PLAGL1: variants seen among roughly 807,000 people sequenced by gnomAD.
The protein encoded by PLAGL1 is PLAG1 like zinc finger 1.
PLAGL1 carries 1 observed loss-of-function variant against 4.6 expected under a neutral mutation model. The ratio of observed to expected loss-of-function variants is 0.22; its 90% CI spans 0.08 to 1.03. PLAGL1 has a LOEUF of 1.03. Ranked by LOEUF, PLAGL1 falls within the 50% of genes least tolerant of loss-of-function variation. The pLI is 0.58. For synonymous variants in PLAGL1, 240 were observed against 237.8 expected (o/e 1.01, Z -0.08); for missense variants, 464 against 570.4 (o/e 0.81, Z 1.90).
intron 1 of PLAGL1, among the ~76,000 whole-genome samples, chr6:144,028,468 G>C (rs1796538001): frequency 6.6e-6 from 1 of 152,160 alleles, no homozygotes; most frequent in Non-Finnish European, 1.5e-5. Flanking sequence ...GGTGGGAGGG[G>C]AGCAGGGAAA....
Position 143,995,276 on chromosome 6 carries a change from G to T in PLAGL1, c.-583-10102C>A, listed in dbSNP as rs1165819022. Among the ~76,000 whole-genome samples the T allele has an allele frequency of 2.6e-5, 4 of 152,088 alleles. No individual in the cohort carries two copies. The highest frequency in any genetic ancestry group is 6.6e-5 in the Admixed American group (1 of 15,266). ...TAATTAATAAAAAGCTTAAACTTCA[G>T]TATTATGCAGATTATTTGTATGCAC... On this transcript the variant is annotated intron_variant, in intron 1 of 7. Transcript: ENST00000674357. This position sits in a 1 kb window ranked among gnomAD's most constrained non-coding sequence, Gnocchi z 4.4.
At chr6:144,029,716 CT>C (rs1210624403) in intron 1 of PLAGL1, among the ~76,000 whole-genome samples, 2 of 152,164 alleles carry the variant, frequency 1.3e-5, no homozygotes, top group African/African-American at 4.8e-5. Flanking sequence ...CTGGTACAGC[CT>C]TATGGAAGGC....
rs895393338 is a variant in PLAGL1 at position 143,971,388 on chromosome 6, T to C, written c.-543-2410A>G. On this transcript the variant is annotated intron_variant, in intron 2 of 7. Transcript: ENST00000674357. The surrounding 1 kb of genome is among the most constrained non-coding windows in gnomAD (Gnocchi z 4.7). ...TAGTGAACATAAAACAAAAATAACA[T>C]GGAGAGTAAAGTATTAGCCCGTTCC... Among the ~76,000 whole-genome samples, 2 of 152,210 alleles carry C rather than the reference T, an allele frequency of 1.3e-5. No homozygotes were observed. The highest frequency in any genetic ancestry group is 4.1e-4 in the South Asian group (2 of 4,832).
rs1224966568 is a variant in PLAGL1 at position 143,966,924 on chromosome 6, G to A, written c.-471-726C>T. 1 of 152,042 alleles carries A rather than the reference G, an allele frequency of 6.6e-6. No individual in the cohort carries two copies. The highest frequency in any genetic ancestry group is 6.5e-5 in the Admixed American group (1 of 15,272). The allele number at this position is 152,042 out of a possible 1,614,324, so 9.4% of individuals were successfully genotyped here. A position where few individuals can be genotyped will look rare whatever the true frequency, so the allele number is the denominator to read the frequency against. On this transcript the variant is annotated intron_variant, in intron 3 of 7. Coordinates refer to ENST00000674357, the MANE Select transcript of PLAGL1 (RefSeq NM_001317162.2). This position sits in a 1 kb window ranked among gnomAD's most constrained non-coding sequence, Gnocchi z 6.0. ...TAATACATTTTCTTACCTAAAAGTG[G>A]TACAATAATGGGTTTTACTCTACCT...
At chr6:144,037,467 A>T (rs570972068) in intron 1 of PLAGL1, 137 of 150,398 alleles carry the variant, frequency 9.1e-4, no homozygotes, top group African/African-American at 3.3e-3. Context: ...GTGCACCTGT[A>T]GTCCCAGCTA....
intron 1 of PLAGL1, among the ~76,000 whole-genome samples, chr6:144,057,994 G>C (rs1799114283): frequency 6.6e-6 from 1 of 152,136 alleles, no homozygotes; most frequent in Non-Finnish European, 1.5e-5. Flanking sequence ...CTATACTAAA[G>C]CTAAAATTGG....
In PLAGL1 at chr6:143,971,700, A is replaced by G. The variant is rs1358434250; in HGVS notation, c.-543-2722T>C. 4.6e-5 allele frequency among the ~76,000 whole-genome samples: 7 copies of G among 152,200 alleles called. No homozygotes were observed. Among genetic ancestry groups the G allele is most frequent in the Non-Finnish European group, 7.3e-5 (5 of 68,030 alleles). ...TCTGATAAGGAATTCAAAACATGCA[A>G]TGGTAGTAAATCTGGTTAAAGAAAT... is the stretch of plus-strand genomic sequence containing the variant. On this transcript the variant is annotated intron_variant, in intron 2 of 7. Transcript: ENST00000674357. The surrounding 1 kb of genome is among the most constrained non-coding windows in gnomAD (Gnocchi z 4.7).
chr6:143,992,727 T>C (rs1790736162), intron 1 of PLAGL1, among the ~76,000 whole-genome samples: 1 of 152,106 alleles, frequency 6.6e-6, no homozygotes, highest in African/African-American at 2.4e-5. Flanking sequence ...AGGTGGCTCA[T>C]AGCACCTTGG....
In PLAGL1 at chr6:144,039,957, C is replaced by A. The variant is rs1797597149; in HGVS notation, c.-151+24511G>T. On this transcript the variant is annotated intron_variant, in intron 1 of 3. Transcript: ENST00000437412. This position sits in a 1 kb window ranked among gnomAD's most constrained non-coding sequence, Gnocchi z 4.1. ...ATTATAGTTAGGTTCAAAAGGCAAG[C>A]CTCCAGATAATTTATATCATATAAT... Among the ~76,000 whole-genome samples, 1 of 152,088 alleles carries A rather than the reference C, an allele frequency of 6.6e-6. No individual in the cohort carries two copies. The highest frequency in any genetic ancestry group is 6.6e-5 in the Admixed American group (1 of 15,264).
chr6:144,041,880 G>C (rs1261024863), intron 1 of PLAGL1, among the ~76,000 whole-genome samples: 2 of 152,168 alleles, frequency 1.3e-5, no homozygotes, highest in Non-Finnish European at 2.9e-5. Context: ...CATTCTAACT[G>C]GTGTGAGATG....
intron 1 of PLAGL1, among the ~76,000 whole-genome samples, chr6:144,001,160 C>T (rs1792771854): frequency 6.8e-6 from 1 of 147,856 alleles, no homozygotes. Flanking sequence ...TAGTGCCAGA[C>T]AGTAAGGAAA....
At position 144,063,960 on chromosome 6, in the gene PLAGL1, T is replaced by A. The variant is rs1261044770; in HGVS notation, c.-151+508A>T. On this transcript the variant is annotated intron_variant, in intron 1 of 3. Coordinates refer to the PLAGL1 transcript ENST00000437412. This position sits in a 1 kb window ranked among gnomAD's most constrained non-coding sequence, Gnocchi z 5.7. ...TCACTTTGTTCCCATTAACTCAGTC[T>A]CTGGGAGACGGGCTAAGCTGGCACT... 6.6e-6 allele frequency among the ~76,000 whole-genome samples: 1 copy of A among 152,190 alleles called. No individual in the cohort carries two copies. Among genetic ancestry groups the A allele is most frequent in the Non-Finnish European group, 1.5e-5 (1 of 68,024 alleles).
chr6:143,960,086 A>T lies in PLAGL1; in HGVS notation c.-325+383T>A, dbSNP rs1783050080. On this transcript the variant is annotated intron_variant, in intron 6 of 7. Coordinates refer to ENST00000674357, the MANE Select transcript of PLAGL1 (RefSeq NM_001317162.2). This position sits in a 1 kb window ranked among gnomAD's most constrained non-coding sequence, Gnocchi z 5.7. ...TCGACATCTGCCACAAAGACAGGAC[A>T]ACCTCTTACACATCTTATGTACACA... 6.6e-6 allele frequency among the ~76,000 whole-genome samples: 1 copy of T among 152,224 alleles called. No homozygotes were observed. Among genetic ancestry groups the T allele is most frequent in the Admixed American group, 6.5e-5 (1 of 15,286 alleles).
At chr6:144,054,383 T>C (rs1310114480) in intron 1 of PLAGL1, among the ~76,000 whole-genome samples, 1 of 151,978 alleles carries the variant, frequency 6.6e-6, no homozygotes, top group Non-Finnish European at 1.5e-5. Context: ...ATAAAGAAAA[T>C]GTGGTACATA....
chr6:143,950,459 T>C lies in PLAGL1; in HGVS notation c.-324-1999A>G, dbSNP rs934817458. 2.0e-5 allele frequency among the ~76,000 whole-genome samples: 3 copies of C among 152,210 alleles called. No homozygotes were observed. Among genetic ancestry groups the C allele is most frequent in the Admixed American group, 6.5e-5 (1 of 15,288 alleles). ...CTCTGCTAGGTATCATGATCTGTTC[T>C]ACTTCTCACCCAGCCTAAGTTTGGC... On this transcript the variant is annotated intron_variant, in intron 6 of 7. Coordinates refer to ENST00000674357, the MANE Select transcript of PLAGL1 (RefSeq NM_001317162.2). The surrounding 1 kb of genome is among the most constrained non-coding windows in gnomAD (Gnocchi z 6.3).
At position 143,964,817 on chromosome 6, in the gene PLAGL1, ACCTAGAAAGGGAGAG is replaced by A. The variant is rs1784104973; in HGVS notation, c.-430-14_-430del. 1 of 152,252 alleles carries A rather than the reference ACCTAGAAAGGGAGAG, an allele frequency of 6.6e-6. No individual in the cohort carries two copies. The highest frequency in any genetic ancestry group is 2.4e-5 in the African/African-American group (1 of 41,458). The allele number at this position is 152,252 out of a possible 1,614,324, so 9.4% of individuals were successfully genotyped here. On this transcript the variant is annotated splice_acceptor_variant and splice_polypyrimidine_tract_variant and 5_prime_UTR_variant and intron_variant, in exon 5 of 8. Coordinates refer to ENST00000674357, the MANE Select transcript of PLAGL1 (RefSeq NM_001317162.2). LOFTEE classifies it low-confidence loss of function (5UTR_SPLICE). The surrounding 1 kb of genome is among the most constrained non-coding windows in gnomAD (Gnocchi z 4.3). ...TAACTCCTCTGATTCCTATGCAAAT[ACCTAGAAAGGGAGAG>A]ACACACAAAGTTATCTTTAAGGTCT...
Position 143,948,764 on chromosome 6 carries a change from A to AAACAACAAC in PLAGL1, c.-324-313_-324-305dup, listed in dbSNP as rs3060705. Among the ~76,000 whole-genome samples, 156 of 107,244 alleles carry AAACAACAAC rather than the reference A, an allele frequency of 1.5e-3. No individual in the cohort carries two copies. Among genetic ancestry groups the AAACAACAAC allele is most frequent in the African/African-American group, 6.2e-3 (152 of 24,672 alleles). 70.4% of individuals were successfully genotyped at this position (107,244 alleles called of 152,430 possible). ...GTGAAGCTCCATTGACCAAAGAGAA[A>AAACAACAAC]AACAACAACAACAACAACAACAACA... On this transcript the variant is annotated intron_variant, in intron 6 of 7. Coordinates refer to ENST00000674357, the MANE Select transcript of PLAGL1 (RefSeq NM_001317162.2). This position sits in a 1 kb window ranked among gnomAD's most constrained non-coding sequence, Gnocchi z 6.0.
At chr6:144,031,510 T>C (rs1292483327) in intron 1 of PLAGL1, among the ~76,000 whole-genome samples, 3 of 152,234 alleles carry the variant, frequency 2.0e-5, no homozygotes, top group Non-Finnish European at 4.4e-5. Flanking sequence ...TTGATCCATC[T>C]TGAGTTGATC....
intron 1 of PLAGL1, among the ~76,000 whole-genome samples, chr6:144,028,582 G>A (rs1232984343): frequency 6.6e-6 from 1 of 152,194 alleles, no homozygotes; most frequent in Non-Finnish European, 1.5e-5. Context: ...AAAGTGAGCT[G>A]CACCTTCTCC....
Sources: gnomAD v4.1 joint callset for allele counts (sites outside exome capture counted in the v4.1 genomes callset) on GRCh38, gnomAD v4.1.1 for gene constraint, Gnocchi (gnomAD v3.1) non-coding constraint, MANE v1.5 for transcripts, NCBI Gene and HGNC (gene_info 2026-07-23, HGNC 2026-07-21) for gene names.